Variants in C1orf21 observed in about 807,000 individuals in gnomAD.
The protein encoded by C1orf21 is chromosome 1 open reading frame 21.
C1orf21 carries 3 observed loss-of-function variants against 18.7 expected under a neutral mutation model. That is an observed-to-expected ratio of 0.16 (90% confidence interval 0.07 to 0.42). The LOEUF (loss-of-function observed/expected upper bound fraction) is 0.42. Ranked by LOEUF, C1orf21 falls within the 10% of genes least tolerant of loss-of-function variation. The pLI is 0.99. For missense variants in C1orf21, 104 were observed against 143.6 expected, an observed-to-expected ratio of 0.72 and a Z score of 1.41; for synonymous variants, 41 against 46.4, an observed-to-expected ratio of 0.88 and a Z score of 0.47.
intron 1 of C1orf21, among the ~76,000 whole-genome samples, chr1:184,390,719 T>C (rs1655958602): frequency 6.6e-6 from 1 of 152,182 alleles, no homozygotes; most frequent in Admixed American, 6.5e-5. Flanking sequence ...TTTTTCCAGC[T>C]TTACTGTGTA....
intron 1 of C1orf21, chr1:184,412,256 G>A (rs1656366686): frequency 6.6e-6 from 1 of 152,222 alleles, no homozygotes; most frequent in Non-Finnish European, 1.5e-5. Context: ...GTAGGGCAAG[G>A]ATGGGTTTTC....
chr1:184,621,825 C>T lies in C1orf21; in HGVS notation c.*2269C>T, dbSNP rs1187123603. The T allele has an allele frequency of 6.6e-6, 1 of 152,140 alleles. No individual in the cohort carries two copies. The highest frequency in any genetic ancestry group is 1.5e-5 in the Non-Finnish European group (1 of 68,016). The allele number at this position is 152,140 out of a possible 1,614,324, so 9.4% of individuals were successfully genotyped here. On this transcript the variant is annotated 3_prime_UTR_variant, in exon 6 of 6. Transcript: ENST00000235307. Reference sequence around the variant, plus strand: ...GTTGCCCTGAACCAGCAGATTTTCACCTGGGTTCTGGCTCCGGTGTTTAAC... The same window carrying T: ...GTTGCCCTGAACCAGCAGATTTTCATCTGGGTTCTGGCTCCGGTGTTTAAC...
intron 2 of C1orf21, among the ~76,000 whole-genome samples, chr1:184,492,156 A>G (rs1657826471): frequency 6.6e-6 from 1 of 152,260 alleles, no homozygotes; most frequent in South Asian, 2.1e-4. Context: ...AACAAAAACA[A>G]GTGGCTGTAA....
chr1:184,481,039 G>A (rs776826053), intron 2 of C1orf21, among the ~76,000 whole-genome samples: 8 of 152,136 alleles, frequency 5.3e-5, no homozygotes, highest in Admixed American at 2.0e-4. Context: ...AAGTAAGCAC[G>A]TAGTTAGATA....
intron 5 of C1orf21, 141 bp from the exon 6 acceptor site, chr1:184,619,376 AC>A: frequency 1.2e-6 from 1 of 807,608 alleles, no homozygotes; most frequent in South Asian, 1.6e-5. Flanking sequence ...TGACGTAGCT[AC>A]CCCTGTGCCA....
intron 1 of C1orf21, among the ~76,000 whole-genome samples, chr1:184,418,595 G>A (rs777053951): frequency 1.3e-5 from 2 of 152,198 alleles, no homozygotes; most frequent in Admixed American, 6.5e-5. Flanking sequence ...TGTTGGGCTT[G>A]TGAAATGGCT....
intron 3 of C1orf21, among the ~76,000 whole-genome samples, chr1:184,551,111 C>G (rs1444063056): frequency 6.6e-6 from 1 of 152,166 alleles, no homozygotes; most frequent in Non-Finnish European, 1.5e-5. Context: ...AATGCACAGA[C>G]AGACAGCATA....
intron 3 of C1orf21, among the ~76,000 whole-genome samples, chr1:184,525,139 T>C (rs1428907312): frequency 2.6e-5 from 4 of 151,962 alleles, no homozygotes. Context: ...AAAAAAAAAC[T>C]CTTGTTTTAA....
chr1:184,404,178 G>A (rs1656207123), intron 1 of C1orf21, among the ~76,000 whole-genome samples: 2 of 152,078 alleles, frequency 1.3e-5, no homozygotes, highest in Non-Finnish European at 2.9e-5. Context: ...AGTACATGAT[G>A]GGATTTTAAT....
At chr1:184,615,391 C>A (rs1659805957) in intron 5 of C1orf21, among the ~76,000 whole-genome samples, 1 of 152,146 alleles carries the variant, frequency 6.6e-6, no homozygotes, top group African/African-American at 2.4e-5. Flanking sequence ...TTCTGTTCTC[C>A]CAGCTTTCGA....
intron 1 of C1orf21, among the ~76,000 whole-genome samples, chr1:184,452,865 T>C (rs1011747801): frequency 6.6e-6 from 1 of 152,146 alleles, no homozygotes; most frequent in South Asian, 2.1e-4. Context: ...TGAGAGATTT[T>C]TAAGGTTTTT....
rs946679094 is a variant in C1orf21, at chr1:184,623,846, G to A, written c.*4290G>A. Reference sequence around the variant, plus strand: ...ATGAGGCTTATGAGTGAATACCTCTGGGACAAACCTTAGGACTCACAAGCT... The same window carrying A: ...ATGAGGCTTATGAGTGAATACCTCTAGGACAAACCTTAGGACTCACAAGCT... On this transcript the variant is annotated 3_prime_UTR_variant, in exon 6 of 6. Transcript: ENST00000235307. 1 of 152,598 alleles carries A rather than the reference G, an allele frequency of 6.6e-6. No individual in the cohort carries two copies. Among genetic ancestry groups the A allele is most frequent in the African/African-American group, 2.4e-5 (1 of 41,432 alleles). 9.5% of individuals were successfully genotyped at this position (152,598 alleles called of 1,614,324 possible).
At chr1:184,440,831 G>A (rs7531736) in intron 1 of C1orf21, among the ~76,000 whole-genome samples, 23,939 of 152,136 alleles carry the variant, frequency 0.16, 2,525 homozygotes, top group African/African-American at 0.29. Flanking sequence ...TTTCTAATTA[G>A]AGGGACCTGG....
rs974275104 is a variant in C1orf21, at chr1:184,628,636, AG to A, written c.*9082del. 2 of 152,766 alleles carry A rather than the reference AG, an allele frequency of 1.3e-5. No individual in the cohort carries two copies. The highest frequency in any genetic ancestry group is 4.8e-5 in the African/African-American group (2 of 41,580). The allele number at this position is 152,766 out of a possible 1,614,324, so 9.5% of individuals were successfully genotyped here. ...AAATGTAAATAATTCAAAACCCTAA[AG>A]GAGAGCTGTCCCTAGACAGTAGTGG... is the stretch of plus-strand genomic sequence containing the variant. On this transcript the variant is annotated 3_prime_UTR_variant, in exon 6 of 6. Coordinates refer to ENST00000235307, the MANE Select transcript of C1orf21 (RefSeq NM_030806.4).
intron 3 of C1orf21, among the ~76,000 whole-genome samples, chr1:184,537,391 T>C (rs1215466966): frequency 6.6e-6 from 1 of 152,218 alleles, no homozygotes; most frequent in Non-Finnish European, 1.5e-5. Flanking sequence ...ATATAATGTT[T>C]GTCATTTTGA....
intron 3 of C1orf21, among the ~76,000 whole-genome samples, chr1:184,547,840 A>C (rs1236103723): frequency 1.3e-5 from 2 of 152,152 alleles, no homozygotes; most frequent in African/African-American, 2.4e-5. Flanking sequence ...TCTCAGTAAC[A>C]GTTGTTTGAC....
chr1:184,597,758 G>A (rs1038028642), intron 4 of C1orf21, among the ~76,000 whole-genome samples: 9 of 152,130 alleles, frequency 5.9e-5, no homozygotes, highest in South Asian at 2.1e-4. Flanking sequence ...CTTGTCAGCC[G>A]TCTCACTAAG....
At chr1:184,528,545 A>T (rs1464921031) in intron 3 of C1orf21, among the ~76,000 whole-genome samples, 2 of 152,098 alleles carry the variant, frequency 1.3e-5, no homozygotes, top group African/African-American at 4.8e-5. Context: ...CCCAGGTTCC[A>T]GCAATTCTCC....
In C1orf21 at chr1:184,478,057, G is replaced by GT. The variant is rs200576585; in HGVS notation, c.94+462dup. On this transcript the variant is annotated intron_variant, in intron 2 of 5. Transcript: ENST00000235307. ...GTGGTATTTGAGGAGGAACATGGAG[G>GT]TTTTTTTTGCAGGAGCTAGCATTTA... Among the ~76,000 whole-genome samples the GT allele has an allele frequency of 2.2e-3, 335 of 151,962 alleles. 2 individuals carry two copies. The highest frequency in any genetic ancestry group is 0.01 in the Middle Eastern group (3 of 294).
Sources: gnomAD v4.1 joint callset for allele counts (sites outside exome capture counted in the v4.1 genomes callset) on GRCh38, gnomAD v4.1.1 for gene constraint, MANE v1.5 for transcripts, NCBI Gene and HGNC (gene_info 2026-07-23, HGNC 2026-07-21) for gene names.